Variants in ADCYAP1R1 observed in about 807,000 individuals in gnomAD.
ADCYAP1R1 encodes the protein ADCYAP receptor type I.
In ADCYAP1R1, 44 loss-of-function variants were observed where a neutral mutation model predicts 67.6. The observed-to-expected ratio is 0.65, with a 90% confidence interval of 0.51 to 0.84. The LOEUF (loss-of-function observed/expected upper bound fraction) is 0.84. Among genes scored for constraint, ADCYAP1R1 ranks in the 40% least tolerant of loss-of-function variants. ADCYAP1R1 has a pLI of 0.00. For missense variants in ADCYAP1R1, 477 were observed against 587.9 expected (o/e 0.81, Z 1.95); for synonymous variants, 222 against 219.6 (o/e 1.01, Z -0.10).
chr7:31,081,922 A>G (rs980258902), intron 6 of ADCYAP1R1, among the ~76,000 whole-genome samples, 168 bp downstream of exon 6: 3 of 152,202 alleles, frequency 2.0e-5, no homozygotes, highest in African/African-American at 7.2e-5. Flanking sequence ...TCTTCATGGA[A>G]AAGCACACAG....
Position 31,086,326 on chromosome 7 carries a change from TC to T in ADCYAP1R1, c.670-55del. 6.3e-7 allele frequency: 1 copy of T among 1,577,440 alleles called. No homozygotes were observed. Among genetic ancestry groups the T allele is most frequent in the African/African-American group, 1.3e-5 (1 of 74,180 alleles). On this transcript the variant is annotated intron_variant, in intron 9 of 15. Coordinates refer to ENST00000304166, the MANE Select transcript of ADCYAP1R1 (RefSeq NM_001118.5). The surrounding 1 kb of genome is among the most constrained non-coding windows in gnomAD (Gnocchi z 5.0). Reference sequence around the variant, plus strand: ...CCAGAGCCAACGGGCCCTAGGATTCTCCCTTGCTCCTGTTCCTGTTGGGCTC... The same window carrying T: ...CCAGAGCCAACGGGCCCTAGGATTCTCCTTGCTCCTGTTCCTGTTGGGCTC...
intron 3 of ADCYAP1R1, among the ~76,000 whole-genome samples, chr7:31,074,636 C>T (rs73688755): frequency 0.072 from 10,900 of 152,296 alleles, 495 homozygotes; most frequent in Middle Eastern, 0.13. Flanking sequence ...CAGACGCAGC[C>T]ATGCTCCACG....
rs1430195156 is a variant in ADCYAP1R1, at chr7:31,111,229, T to C, written c.*4545T>C. 1 of 152,272 alleles carries C rather than the reference T, an allele frequency of 6.6e-6. No homozygotes were observed. The highest frequency in any genetic ancestry group is 1.9e-4 in the East Asian group (1 of 5,198). 9.4% of individuals were successfully genotyped at this position (152,272 alleles called of 1,614,324 possible). On this transcript the variant is annotated 3_prime_UTR_variant, in exon 16 of 16. Transcript: ENST00000304166. Reference sequence around the variant, plus strand: ...TTGGCTATGTGTGTCTTGTCTGATGTCTGTCTTCTGTAGCTTTGCCTCTAT... The same window carrying C: ...TTGGCTATGTGTGTCTTGTCTGATGCCTGTCTTCTGTAGCTTTGCCTCTAT...
At chr7:31,064,080 C>T (rs761777348) in intron 2 of ADCYAP1R1, among the ~76,000 whole-genome samples, 4 of 152,212 alleles carry the variant, frequency 2.6e-5, no homozygotes, top group Non-Finnish European at 4.4e-5. Flanking sequence ...TTACTTGGTC[C>T]TGAACTTGAA....
rs1450527544 is a variant in ADCYAP1R1 at position 31,086,565 on chromosome 7, G to T, written c.823+28G>T. The T allele has an allele frequency of 2.5e-6, 4 of 1,613,720 alleles. No individual in the cohort carries two copies. The highest frequency in any genetic ancestry group is 1.1e-5 in the South Asian group (1 of 90,984). The stretch of plus-strand genomic sequence containing the variant: ...AGGTTCCTGGCTGTGGCTTGGACAG[G>T]TTCAGGTCCCGTGGTCAGGTGTGTC... On this transcript the variant is annotated intron_variant, in intron 10 of 15. Coordinates refer to ENST00000304166, the MANE Select transcript of ADCYAP1R1 (RefSeq NM_001118.5). This position sits in a 1 kb window ranked among gnomAD's most constrained non-coding sequence, Gnocchi z 5.0.
chr7:31,100,279 G>A (rs951230288), intron 13 of ADCYAP1R1: 29 of 1,446,374 alleles, frequency 2.0e-5, no homozygotes, highest in African/African-American at 9.9e-5. Flanking sequence ...TGCCACTGCC[G>A]CTGCTGGAGG....
At chr7:31,092,781 C>T (rs750917758) in intron 13 of ADCYAP1R1, 46 bp downstream of exon 13, 33 of 1,465,728 alleles carry the variant, frequency 2.3e-5, no homozygotes, top group Middle Eastern at 1.7e-4. Flanking sequence ...GACAGCCGAG[C>T]GGGCCCTGCA....
In ADCYAP1R1 at chr7:31,061,292, C is replaced by T. The variant is rs552656233; in HGVS notation, c.-71-1902C>T. 8.5e-5 allele frequency among the ~76,000 whole-genome samples: 13 copies of T among 152,370 alleles called. No homozygotes were observed. The East Asian group carries it at 2.3e-3, about 27-fold the overall frequency. On this transcript the variant is annotated intron_variant, in intron 1 of 15. Coordinates refer to ENST00000304166, the MANE Select transcript of ADCYAP1R1 (RefSeq NM_001118.5). ...TCACTGGTGCCAGACACTCCTCCCTCGCAGCCAGGCAAGTCAGGAGGGTTG... is the reference window on the plus strand; with the variant it reads ...TCACTGGTGCCAGACACTCCTCCCTTGCAGCCAGGCAAGTCAGGAGGGTTG...
Position 31,095,261 on chromosome 7 carries a change from CAGGAGG to C in ADCYAP1R1, c.1046+2528_1046+2533del, listed in dbSNP as rs368169690. Among the ~76,000 whole-genome samples, 256 of 152,298 alleles carry C rather than the reference CAGGAGG, an allele frequency of 1.7e-3. 2 individuals are homozygous for C. The highest frequency in any genetic ancestry group is 5.9e-3 in the African/African-American group (245 of 41,564). ...AGTTATCAGTGAAGTGACGTGAATCCAGGAGGAAGGAGGATGCCATGGCTGTGGTGC... is the reference window on the plus strand; with the variant it reads ...AGTTATCAGTGAAGTGACGTGAATCCAAGGAGGATGCCATGGCTGTGGTGC... On this transcript the variant is annotated intron_variant, in intron 13 of 15. Transcript: ENST00000304166.
At chr7:31,072,859 C>T (rs1179074124) in intron 3 of ADCYAP1R1, among the ~76,000 whole-genome samples, 1 of 152,148 alleles carries the variant, frequency 6.6e-6, no homozygotes, top group Non-Finnish European at 1.5e-5. Flanking sequence ...CACATGGGTC[C>T]TTATAAGTGA....
chr7:31,056,917 TC>T (rs1322374700), intron 1 of ADCYAP1R1: 3 of 151,774 alleles, frequency 2.0e-5, no homozygotes, highest in African/African-American at 7.3e-5. Flanking sequence ...CCCAAATCCA[TC>T]CAGGGGGCGC....
intron 1 of ADCYAP1R1, among the ~76,000 whole-genome samples, chr7:31,053,272 C>T (rs562490019): frequency 1.3e-5 from 2 of 152,310 alleles, no homozygotes; most frequent in African/African-American, 4.8e-5. Context: ...TCTTCGTTTC[C>T]CGTGGCGCGG....
Position 31,102,795 on chromosome 7 carries a change from G to T in ADCYAP1R1, c.1047-442G>T, listed in dbSNP as rs1410792174. 1.3e-5 allele frequency among the ~76,000 whole-genome samples: 2 copies of T among 152,088 alleles called. No homozygotes were observed. The highest frequency in any genetic ancestry group is 4.8e-5 in the African/African-American group (2 of 41,414). ...CCCGGCTAGCCCCAGGCTCCAAAAAGCCAACTGTCTCTGTGGCCCATCGAG... is the reference window on the plus strand; with the variant it reads ...CCCGGCTAGCCCCAGGCTCCAAAAATCCAACTGTCTCTGTGGCCCATCGAG... On this transcript the variant is annotated intron_variant, in intron 13 of 15. Transcript: ENST00000304166. This position sits in a 1 kb window ranked among gnomAD's most constrained non-coding sequence, Gnocchi z 4.3.
Position 31,103,123 on chromosome 7 carries a change from C to T in ADCYAP1R1, c.1047-114C>T, listed in dbSNP as rs578028136. 2.3e-3 allele frequency: 3,361 copies of T among 1,439,372 alleles called. 6 individuals are homozygous for T. The highest frequency in any genetic ancestry group is 2.9e-3 in the Non-Finnish European group (3,126 of 1,066,542). 89.2% of individuals were successfully genotyped at this position (1,439,372 alleles called of 1,614,324 possible). The stretch of plus-strand genomic sequence containing the variant: ...GAGAATGCTGAGGGGTCTGTGGACA[C>T]GGGCCCCAGCTTGGAGGGAGAATAA... On this transcript the variant is annotated intron_variant, in intron 13 of 15. Coordinates refer to ENST00000304166, the MANE Select transcript of ADCYAP1R1 (RefSeq NM_001118.5).
chr7:31,072,063 C>G (rs1323286224), intron 3 of ADCYAP1R1, among the ~76,000 whole-genome samples: 2 of 141,254 alleles, frequency 1.4e-5, no homozygotes, highest in African/African-American at 5.3e-5. Context: ...AAGCCAGAAA[C>G]CTGGGAGACA....
chr7:31,095,665 A>C (rs1325638167), intron 13 of ADCYAP1R1: 3 of 717,764 alleles, frequency 4.2e-6, no homozygotes, highest in Non-Finnish European at 7.8e-6. Context: ...TCTTATTTCC[A>C]GAACAAATTT....
At chr7:31,106,355 A>G in intron 15 of ADCYAP1R1, 141 bp from the exon 16 acceptor site, 1 of 1,024,496 alleles carries the variant, frequency 9.8e-7, no homozygotes, top group South Asian at 1.8e-5. Flanking sequence ...GGAGACCTTG[A>G]GGGCCGCAGG....
At chr7:31,054,594 G>A (rs936992728) in intron 1 of ADCYAP1R1, among the ~76,000 whole-genome samples, 1 of 152,214 alleles carries the variant, frequency 6.6e-6, no homozygotes, top group Non-Finnish European at 1.5e-5. Context: ...GCCACAGGGT[G>A]GCTTTTCTCT....
intron 9 of ADCYAP1R1, among the ~76,000 whole-genome samples, chr7:31,085,900 G>C (rs1795725472): frequency 6.6e-6 from 1 of 152,218 alleles, no homozygotes; most frequent in African/African-American, 2.4e-5. Context: ...TGGTCTTTGA[G>C]GAGGTAGGTT....
Sources: allele counts gnomAD v4.1 joint callset (sites outside exome capture counted in the v4.1 genomes callset), GRCh38; gene constraint gnomAD v4.1.1; non-coding constraint Gnocchi (gnomAD v3.1); transcripts MANE v1.5; gene names NCBI Gene and HGNC (gene_info 2026-07-23, HGNC 2026-07-21).